Variants in NOP2 observed in about 807,000 individuals in gnomAD.
NOP2 encodes NOP2 nucleolar protein.
In NOP2, 7 loss-of-function variants were observed where a neutral mutation model predicts 72.7. That is an observed-to-expected ratio of 0.10 (90% CI 0.05 to 0.18). NOP2 has a LOEUF of 0.18. NOP2 is among the 10% of genes least tolerant of loss of function. NOP2 has a pLI of 1.00. For missense variants in NOP2, 954 were observed against 1,014.7 expected (o/e 0.94, Z 0.81); for synonymous variants, 387 against 388.0 (o/e 1.00, Z 0.03).
In NOP2 at chr12:6,556,937, C is replaced by T; in HGVS notation, c.*56G>A. ...AGTAGAGAAGGCATCCTCACAGAGG[C>T]AAGAGTTCCAACCTGGTGACAATGG... On this transcript the variant is annotated 3_prime_UTR_variant, in exon 16 of 16. Transcript: ENST00000322166. 6.3e-7 allele frequency: 1 copy of T among 1,597,218 alleles called. No individual in the cohort carries two copies. Among genetic ancestry groups the T allele is most frequent in the Non-Finnish European group, 8.5e-7 (1 of 1,170,752 alleles).
Position 6,567,902 on chromosome 12 carries a change from T to C in NOP2, c.17A>G (p.Asp6Gly), listed in dbSNP as rs2136181967. MGRKL[D>G]PTKEKRGPGR... ...TGGCCCCCGCTTCTCCTTCGTAGGG[T>C]CCAACTTGCGCCCCATGGTACTGTG... Residue 6 changes from aspartate (D) to glycine (G), a missense_variant, in exon 2 of 16, where the codon GAC becomes GGC. This residue lies in a region of NOP2 where 498 missense variants were observed against 478.3 expected (regional missense o/e 1.04). Transcript: ENST00000322166. 6.2e-7 allele frequency: 1 copy of C among 1,613,806 alleles called. No homozygotes were observed. The highest frequency in any genetic ancestry group is 8.5e-7 in the Non-Finnish European group (1 of 1,179,822).
intron 4 of NOP2, 43 bp from the exon 5 acceptor site, chr12:6,566,379 C>A: frequency 1.3e-6 from 2 of 1,546,362 alleles, no homozygotes; most frequent in South Asian, 2.3e-5. Flanking sequence ...GCCACACATT[C>A]CCTGGCCCCA....
In NOP2 at chr12:6,563,998, G is replaced by A. The variant is rs1223093580; in HGVS notation, c.475-52C>T. On this transcript the variant is annotated intron_variant, in intron 5 of 15. Transcript: ENST00000322166. ...CAGGCCTGCCCTTCCATCAGCCCTT[G>A]TAGCAGTTCTATCTCTATATCTTAT... is the stretch of plus-strand genomic sequence containing the variant. The A allele has an allele frequency of 5.0e-6, 8 of 1,590,318 alleles. No individual in the cohort carries two copies. The Admixed American group carries it at 1.4e-4, about 28-fold the overall frequency.
In NOP2 at chr12:6,563,741, G is replaced by A. The variant is rs562016281; in HGVS notation, c.561C>T (p.Asp187=). 52 of 1,612,922 alleles carry A rather than the reference G, an allele frequency of 3.2e-5. No individual in the cohort carries two copies. The highest frequency in any genetic ancestry group is 1.7e-4 in the Admixed American group (10 of 59,910). Residue 187 remains aspartate, a synonymous_variant, in exon 7 of 16, where the codon GAC becomes GAT. Coordinates refer to ENST00000322166, the MANE Select transcript of NOP2 (RefSeq NM_001258308.2). The part of the protein sequence containing the change: ...GIQWSEEETE[D]EEEEKEVTPE... Reference sequence around the variant, plus strand: ...GGGTCACTTCTTTCTCTTCCTCCTCGTCCTCGGTCTCCTCTTCACTCCACT... The same window carrying A: ...GGGTCACTTCTTTCTCTTCCTCCTCATCCTCGGTCTCCTCTTCACTCCACT...
At chr12:6,563,197 G>C in intron 8 of NOP2, 27 bp from the exon 9 acceptor site, 1 of 1,568,216 alleles carries the variant, frequency 6.4e-7, no homozygotes, top group Non-Finnish European at 8.6e-7. Context: ...CAGGGAATAA[G>C]TGAGGCTGGC....
chr12:6,563,234 C>G, intron 8 of NOP2, 64 bp from the exon 9 acceptor site: 1 of 1,547,804 alleles, frequency 6.5e-7, no homozygotes, highest in Non-Finnish European at 8.7e-7. Flanking sequence ...AAGAGGGGAG[C>G]AAGGGGGCCG....
chr12:6,566,086 A>G lies in NOP2; in HGVS notation c.474+15T>C. ...CAAGGATCCTTCTATGAATGCCCAA[A>G]AAGATGAATCTCACCGCTTCACCTT... On this transcript the variant is annotated intron_variant, in intron 5 of 15. Coordinates refer to ENST00000322166, the MANE Select transcript of NOP2 (RefSeq NM_001258308.2). 1 of 1,596,086 alleles carries G rather than the reference A, an allele frequency of 6.3e-7. No individual in the cohort carries two copies. The highest frequency in any genetic ancestry group is 8.6e-7 in the Non-Finnish European group (1 of 1,166,138).
chr12:6,562,147 T>C (rs767259879), intron 9 of NOP2, among the ~76,000 whole-genome samples, 176 bp from the exon 10 acceptor site: 2 of 152,016 alleles, frequency 1.3e-5, no homozygotes, highest in Non-Finnish European at 2.9e-5. Context: ...TGTACCACCA[T>C]GCCTGGCTAA....
rs549624771 is a variant in NOP2 at position 6,558,429 on chromosome 12, C to A, written c.1790-787G>T. ...CACAACCGTGCGCCACCATGTCCGG[C>A]TAATTTTTGTATTTTTAGTAGAGAT... On this transcript the variant is annotated intron_variant, in intron 15 of 15. Coordinates refer to ENST00000322166, the MANE Select transcript of NOP2 (RefSeq NM_001258308.2). 4.9e-4 allele frequency among the ~76,000 whole-genome samples: 75 copies of A among 151,564 alleles called. No homozygotes were observed. In the South Asian group the frequency reaches 0.015, roughly 30 times the overall value.
chr12:6,565,889 T>G (rs1558333), intron 5 of NOP2, among the ~76,000 whole-genome samples: 17,582 of 152,084 alleles, frequency 0.12, 1,323 homozygotes, highest in Admixed American at 0.21. Context: ...CAAGACAGCC[T>G]TCTAGATTTT....
intron 15 of NOP2, among the ~76,000 whole-genome samples, chr12:6,559,254 G>T (rs1353176752): frequency 6.6e-6 from 1 of 152,158 alleles, no homozygotes; most frequent in Non-Finnish European, 1.5e-5. Flanking sequence ...GAGTAGCTGG[G>T]ACTACAGGCG....
chr12:6,562,957 G>A lies in NOP2; in HGVS notation c.978+124C>T, dbSNP rs1037313516. 110 of 933,582 alleles carry A rather than the reference G, an allele frequency of 1.2e-4. 2 individuals are homozygous for A. The East Asian group carries it at 2.8e-3, about 24-fold the overall frequency. 57.8% of individuals were successfully genotyped at this position (933,582 alleles called of 1,614,324 possible). On this transcript the variant is annotated intron_variant, in intron 9 of 15. Transcript: ENST00000322166. Reference sequence around the variant, plus strand: ...CCAGAGACATCAGGCCTCTGGGTTTGCCCCCCCAGGATCATGCTTAGGTCC... The same window carrying A: ...CCAGAGACATCAGGCCTCTGGGTTTACCCCCCCAGGATCATGCTTAGGTCC...
chr12:6,557,482 C>T lies in NOP2; in HGVS notation c.1950G>A (p.Leu650=), dbSNP rs1309931338. 1 of 1,613,970 alleles carries T rather than the reference C, an allele frequency of 6.2e-7. No homozygotes were observed. Residue 650 remains leucine, a synonymous_variant, in exon 16 of 16, where the codon CTG becomes CTA. Transcript: ENST00000322166. ...QHPKKASFQK[L]NGISKGADSE... is the part of the protein sequence containing the mutation. ...AGTCTGCCCCTTTGGAGATGCCATT[C>T]AGCTTCTGGAAGGAGGCCTTCTTGG...
At position 6,563,175 on chromosome 12, in the gene NOP2, G is replaced by A. The variant is rs189225905; in HGVS notation, c.889-5C>T. 3.7e-5 allele frequency: 59 copies of A among 1,582,888 alleles called. No individual in the cohort carries two copies. Among genetic ancestry groups the A allele is most frequent in the African/African-American group, 1.1e-4 (8 of 74,350 alleles). ...AGCTTCTAAGAACTCCACCAGCTGCGGGGCAAGACAGCAGGGAATAAGTGA... is the reference window on the plus strand; with the variant it reads ...AGCTTCTAAGAACTCCACCAGCTGCAGGGCAAGACAGCAGGGAATAAGTGA... On this transcript the variant is annotated splice_polypyrimidine_tract_variant and splice_region_variant and intron_variant, in intron 8 of 15. Coordinates refer to ENST00000322166, the MANE Select transcript of NOP2 (RefSeq NM_001258308.2).
chr12:6,557,495 G>C lies in NOP2; in HGVS notation c.1937C>G (p.Ser646Cys), dbSNP rs775407761. ...GGAGATGCCATTCAGCTTCTGGAAGGAGGCCTTCTTGGGATGTTGCTGTTT... is the reference window on the plus strand; with the variant it reads ...GGAGATGCCATTCAGCTTCTGGAAGCAGGCCTTCTTGGGATGTTGCTGTTT... The part of the protein sequence containing the change: ...LQKQQHPKKA[S>C]FQKLNGISKG... Residue 646 changes from serine (S) to cysteine (C), a missense_variant, in exon 16 of 16, where the codon TCC becomes TGC. Transcript: ENST00000322166. The C allele has an allele frequency of 6.2e-6, 10 of 1,613,952 alleles. No homozygotes were observed. The highest frequency in any genetic ancestry group is 1.7e-5 in the Admixed American group (1 of 60,024).
intron 15 of NOP2, among the ~76,000 whole-genome samples, chr12:6,559,247 T>C (rs899138397): frequency 3.3e-5 from 5 of 152,104 alleles, no homozygotes; most frequent in African/African-American, 1.2e-4. Context: ...GCCTCCCGAG[T>C]AGCTGGGACT....
chr12:6,560,977 A>T lies in NOP2; in HGVS notation c.1301T>A (p.Val434Asp). Residue 434 changes from valine to aspartate, a missense_variant, in exon 12 of 16, where the codon GTC becomes GAC. Around this residue, in one of 3 missense-constraint regions of NOP2, gnomAD observed 187 missense variants for 276.2 expected, o/e 0.68. Transcript: ENST00000322166. The surrounding 1 kb of genome is among the most constrained non-coding windows in gnomAD (Gnocchi z 5.0). ...SVVGNLHRLGVTNTIISHYDG... is the reference protein window; with the variant it reads ...SVVGNLHRLGDTNTIISHYDG... Reference sequence around the variant, plus strand: ...ATAGTGGCTGATAATGGTGTTGGTGACTCCCAGCCGATGCAAGTTGCCCAC... The same window carrying T: ...ATAGTGGCTGATAATGGTGTTGGTGTCTCCCAGCCGATGCAAGTTGCCCAC... 1 of 1,613,486 alleles carries T rather than the reference A, an allele frequency of 6.2e-7. No homozygotes were observed. Among genetic ancestry groups the T allele is most frequent in the Non-Finnish European group, 8.5e-7 (1 of 1,179,782 alleles).
intron 15 of NOP2, among the ~76,000 whole-genome samples, chr12:6,558,741 G>A (rs750226150): frequency 2.0e-5 from 3 of 151,246 alleles, no homozygotes; most frequent in Non-Finnish European, 4.4e-5. Flanking sequence ...CTCCAGAGTA[G>A]CTGGAACTAC....
chr12:6,566,493 C>G, intron 4 of NOP2, 36 bp downstream of exon 4: 1 of 1,594,068 alleles, frequency 6.3e-7, no homozygotes, highest in Non-Finnish European at 8.6e-7. Flanking sequence ...CCCAAAGGGA[C>G]TCCTCATGTA....
Sources: gnomAD v4.1 joint callset for allele counts (sites outside exome capture counted in the v4.1 genomes callset) on GRCh38, gnomAD v4.1.1 for gene constraint, gnomAD v4.1.1 regional missense constraint, Gnocchi (gnomAD v3.1) non-coding constraint, MANE v1.5 for transcripts, NCBI Gene and HGNC (gene_info 2026-07-23, HGNC 2026-07-21) for gene names.